PRH1: variants seen among roughly 807,000 people sequenced by gnomAD.
PRH1 encodes proline rich protein HaeIII subfamily 1.
PRH1 carries 7 observed loss-of-function variants against 7.9 expected under a neutral mutation model. The ratio of observed to expected loss-of-function variants is 0.89; its 90% CI spans 0.50 to 1.67. The LOEUF (loss-of-function observed/expected upper bound fraction) is 1.67. Ranked by LOEUF, PRH1 falls within the 40% of genes most tolerant of loss-of-function variation. PRH1 has a pLI of 0.00. For synonymous variants in PRH1, 45 were observed against 80.8 expected (o/e 0.56, Z 2.38); for missense variants, 109 against 223.6 (o/e 0.49, Z 3.27).
In PRH1 at chr12:11,133,358, T is replaced by G. The variant is rs1314704012; in HGVS notation, n.40-12178A>C. ...TCTGTCTTTCACCCAGTACCTCACA[T>G]GCCGCAAAACTGAAAGAAAAATCTG... On this transcript the variant is annotated intron_variant and non_coding_transcript_variant, in intron 1 of 1. Coordinates refer to the PRH1 transcript ENST00000541175. 4 of 1,613,822 alleles carry G rather than the reference T, an allele frequency of 2.5e-6. No homozygotes were observed. The South Asian group carries it at 3.3e-5, about 13-fold the overall frequency.
At chr12:11,118,220 GA>G (rs985223873), downstream of PRH1, among the ~76,000 whole-genome samples, 1 of 151,722 alleles carries the variant, frequency 6.6e-6, no homozygotes, top group South Asian at 2.1e-4. Flanking sequence ...AACTGTATAG[GA>G]AAAAAAATCT....
At chr12:11,036,732 T>C (rs1942445571) in intron 1 of PRH1, among the ~76,000 whole-genome samples, 1 of 152,254 alleles carries the variant, frequency 6.6e-6, no homozygotes, top group African/African-American at 2.4e-5. Flanking sequence ...TTTACTATTG[T>C]AACTTTCCCA....
intron 2 of PRH1, chr12:10,908,468 G>A (rs1308324394): frequency 1.2e-6 from 2 of 1,613,928 alleles, no homozygotes; most frequent in South Asian, 1.1e-5. Context: ...GAAGAAAGGA[G>A]TGGCTTGAAG....
At chr12:10,965,070 T>C (rs1355221441) in intron 2 of PRH1, 1 of 1,158,360 alleles carries the variant, frequency 8.6e-7, no homozygotes, top group African/African-American at 1.5e-5. Flanking sequence ...ACCCAGATGC[T>C]GAAATGGTTG....
At chr12:10,897,463 G>C (rs1949663843) in intron 2 of PRH1, among the ~76,000 whole-genome samples, 1 of 152,138 alleles carries the variant, frequency 6.6e-6, no homozygotes, top group Non-Finnish European at 1.5e-5. Context: ...AGCCATCCCT[G>C]CTATGTCTTG....
intron 1 of PRH1, among the ~76,000 whole-genome samples, chr12:11,084,459 A>ACAG (rs1471838243): frequency 5.6e-4 from 71 of 126,012 alleles, no homozygotes; most frequent in Non-Finnish European, 8.4e-4. Flanking sequence ...TATTCTGATA[A>ACAG]GGATACAAAT....
intron 1 of PRH1, among the ~76,000 whole-genome samples, chr12:11,070,437 C>CTAAGAGAAGAATCGTGGGAAAAGGAA (rs376139823): frequency 2.1e-5 from 3 of 144,584 alleles, no homozygotes; most frequent in Non-Finnish European, 3.1e-5. Context: ...ACACAAGACC[C>CTAAGAGAAGAATCGTGGGAAAAGGAA]CAGAAGTATA....
At chr12:10,898,521 G>A (rs1949680481) in intron 2 of PRH1, among the ~76,000 whole-genome samples, 1 of 152,122 alleles carries the variant, frequency 6.6e-6, no homozygotes, top group Non-Finnish European at 1.5e-5. Context: ...CAGCCCTCTA[G>A]GAGGTGGGAT....
At chr12:10,906,062 T>A (rs1412988190) in intron 2 of PRH1, among the ~76,000 whole-genome samples, 1 of 152,180 alleles carries the variant, frequency 6.6e-6, no homozygotes, top group Non-Finnish European at 1.5e-5. Flanking sequence ...ATACTACTCC[T>A]CTCACTTACC....
intron 1 of PRH1, chr12:11,171,272 TGCCGGTCCCA>T: frequency 1.1e-6 from 1 of 919,186 alleles, no homozygotes; most frequent in Non-Finnish European, 1.4e-6. Flanking sequence ...CTTACCGTCC[TGCCGGTCCCA>T]GCCGTCGCTA....
At position 11,061,433 on chromosome 12, in the gene PRH1, G is replaced by A. The variant is rs150894148; in HGVS notation, n.124-14245C>T. 1,037 of 1,614,040 alleles carry A rather than the reference G, an allele frequency of 6.4e-4. 2 individuals carry two copies. In the African/African-American group the frequency reaches 0.012, roughly 18 times the overall value. ...TGCCACAAAACTGAAAGAAAAGTCT[G>A]CTTTAGCTTCTTGTTTCCCCAAATC... On this transcript the variant is annotated intron_variant and non_coding_transcript_variant, in intron 1 of 4. Transcript: ENST00000541977.
At chr12:10,946,990 A>G (rs940887074) in intron 2 of PRH1, among the ~76,000 whole-genome samples, 2 of 151,752 alleles carry the variant, frequency 1.3e-5, no homozygotes, top group African/African-American at 4.9e-5. Context: ...GTGGCCTGAG[A>G]GTGTGTTTGG....
chr12:11,113,918 T>C (rs1945659847), intron 1 of PRH1, among the ~76,000 whole-genome samples: 1 of 152,190 alleles, frequency 6.6e-6, no homozygotes, highest in African/African-American at 2.4e-5. Flanking sequence ...AAGCTCATCA[T>C]CACTGCTCAT....
intron 2 of PRH1, among the ~76,000 whole-genome samples, chr12:10,956,251 G>A (rs1009538719): frequency 6.6e-5 from 10 of 152,100 alleles, no homozygotes; most frequent in African/African-American, 2.4e-4. Context: ...TTATCACTGG[G>A]ATACAAGTTT....
At chr12:11,153,848 G>T (rs1947175886) in intron 1 of PRH1, among the ~76,000 whole-genome samples, 1 of 151,910 alleles carries the variant, frequency 6.6e-6, no homozygotes, top group African/African-American at 2.4e-5. Context: ...TCTTATGAAT[G>T]GGTAGATATA....
intron 1 of PRH1, among the ~76,000 whole-genome samples, chr12:11,007,827 C>G (rs956018920): frequency 1.3e-5 from 2 of 152,098 alleles, no homozygotes; most frequent in Non-Finnish European, 2.9e-5. Flanking sequence ...TGGCCAAACT[C>G]TAACTTCAAG....
intron 1 of PRH1, among the ~76,000 whole-genome samples, chr12:11,033,311 G>A (rs898883899): frequency 1.3e-5 from 2 of 152,072 alleles, no homozygotes; most frequent in African/African-American, 2.4e-5. Flanking sequence ...AGGTTGCAGT[G>A]AACTGAGATT....
intron 2 of PRH1, among the ~76,000 whole-genome samples, chr12:10,952,815 T>C: frequency 6.6e-6 from 1 of 152,170 alleles, no homozygotes; most frequent in East Asian, 1.9e-4. Context: ...TCCAAGAGCC[T>C]ATACCCTGCC....
upstream of PRH1, among the ~76,000 whole-genome samples, chr12:11,051,219 G>A (rs571723796): frequency 2.8e-4 from 43 of 152,312 alleles, no homozygotes; most frequent in African/African-American, 1.0e-3. Context: ...GTCACATGAA[G>A]TAGATAATTA....
Sources: gnomAD v4.1 joint callset for allele counts (sites outside exome capture counted in the v4.1 genomes callset) on GRCh38, gnomAD v4.1.1 for gene constraint, MANE v1.5 for transcripts, NCBI Gene and HGNC (gene_info 2026-07-23, HGNC 2026-07-21) for gene names.